The following TMCC1 variants were observed in gnomAD, a reference collection of about 807,000 sequenced individuals.
TMCC1 encodes the protein transmembrane and coiled-coil domain family 1, also known as transmembrane and coiled-coil domains protein 1.
Under a neutral mutation model 52.4 loss-of-function variants are expected in TMCC1, and 15 were observed. The observed-to-expected ratio is 0.29, with a 90% CI of 0.19 to 0.44. The LOEUF (loss-of-function observed/expected upper bound fraction) is 0.44. Among genes scored for constraint, TMCC1 ranks in the 20% least tolerant of loss-of-function variants. The pLI is 1.00. For missense variants in TMCC1, 503 were observed against 806.0 expected (o/e 0.62, Z 4.55); for synonymous variants, 279 against 301.9 (o/e 0.92, Z 0.79).
At chr3:129,870,166 T>G (rs1370850332) in intron 2 of TMCC1, among the ~76,000 whole-genome samples, 1 of 152,140 alleles carries the variant, frequency 6.6e-6, no homozygotes, top group Non-Finnish European at 1.5e-5. Flanking sequence ...TGTACCTATC[T>G]AGTATTCTAC....
At chr3:129,804,828 C>T (rs757070880) in intron 4 of TMCC1, among the ~76,000 whole-genome samples, 2 of 152,138 alleles carry the variant, frequency 1.3e-5, no homozygotes, top group Non-Finnish European at 2.9e-5. Context: ...TCAACTCTCC[C>T]CCTTACTTGA....
At chr3:129,793,582 C>T (rs137995779) in intron 4 of TMCC1, among the ~76,000 whole-genome samples, 2 of 152,188 alleles carry the variant, frequency 1.3e-5, no homozygotes, top group African/African-American at 4.8e-5. Context: ...TCTTACCACA[C>T]CTCTTTCCAT....
At chr3:129,811,100 A>G (rs1390416662) in intron 4 of TMCC1, among the ~76,000 whole-genome samples, 2 of 152,190 alleles carry the variant, frequency 1.3e-5, no homozygotes, top group East Asian at 1.9e-4. Flanking sequence ...ATAAGCTTCT[A>G]TATCACTAAA....
Position 129,893,640 on chromosome 3 carries a change from G to GCCGCCGCCTCAGTCACCGCCA in TMCC1, c.-602_-582dup, listed in dbSNP as rs1457732857. On this transcript the variant is annotated 5_prime_UTR_variant, in exon 1 of 7. Coordinates refer to ENST00000393238, the MANE Select transcript of TMCC1 (RefSeq NM_001017395.5). ...ACCCTCCCCCCGCGCCGCCTCAGCC[G>GCCGCCGCCTCAGTCACCGCCA]CCGCCGCCTCAGTCACCGCCACCGC... The GCCGCCGCCTCAGTCACCGCCA allele has an allele frequency of 2.2e-5, 3 of 138,588 alleles. No individual in the cohort carries two copies. The highest frequency in any genetic ancestry group is 2.1e-4 in the Admixed American group (3 of 14,074). The allele number at this position is 138,588 out of a possible 1,614,324, so 8.6% of individuals were successfully genotyped here. A position where few individuals can be genotyped will look rare whatever the true frequency, so the allele number is the denominator to read the frequency against.
Position 129,768,993 on chromosome 3 carries a change from C to T in TMCC1, c.576+58810G>A, listed in dbSNP as rs1471704127. ...CCTGACCTCACAGAGTTCACAATAT[C>T]GTAAGGGAAGAAAGTGAGGGGTAAA... On this transcript the variant is annotated intron_variant, in intron 4 of 6. Transcript: ENST00000393238. 2.0e-5 allele frequency among the ~76,000 whole-genome samples: 3 copies of T among 152,236 alleles called. No individual in the cohort carries two copies. The South Asian group carries it at 6.2e-4, about 32-fold the overall frequency.
chr3:129,668,487 G>A (rs905256775), intron 5 of TMCC1, among the ~76,000 whole-genome samples: 1 of 152,180 alleles, frequency 6.6e-6, no homozygotes, highest in African/African-American at 2.4e-5. Context: ...GGTTAGTAAG[G>A]GGAAGAACTG....
chr3:129,657,739 A>T (rs139458589), intron 5 of TMCC1, among the ~76,000 whole-genome samples: 353 of 152,262 alleles, frequency 2.3e-3, no homozygotes, highest in African/African-American at 8.1e-3. Context: ...AAAATTATGA[A>T]CCTACAATTA....
intron 1 of TMCC1, among the ~76,000 whole-genome samples, chr3:129,887,308 C>T (rs1192274964): frequency 6.6e-6 from 1 of 151,742 alleles, no homozygotes; most frequent in Non-Finnish European, 1.5e-5. Flanking sequence ...CTTTGGGAGG[C>T]CAAGGAGGGC....
intron 4 of TMCC1, among the ~76,000 whole-genome samples, chr3:129,781,000 T>C (rs1276898545): frequency 6.6e-6 from 1 of 152,178 alleles, no homozygotes; most frequent in Non-Finnish European, 1.5e-5. Flanking sequence ...CTAGTGACTA[T>C]AACACTGGCC....
intron 4 of TMCC1, among the ~76,000 whole-genome samples, chr3:129,785,478 G>C (rs1386954840): frequency 6.6e-6 from 1 of 151,988 alleles, no homozygotes; most frequent in East Asian, 1.9e-4. Context: ...TGAATAGACT[G>C]GGTCAGATTC....
intron 4 of TMCC1, among the ~76,000 whole-genome samples, chr3:129,729,799 C>T (rs951832317): frequency 1.6e-4 from 24 of 152,178 alleles, no homozygotes; most frequent in South Asian, 2.1e-4. Flanking sequence ...AATCACCTAA[C>T]GCAAAGCCTA....
chr3:129,881,103 C>A (rs193021961), intron 1 of TMCC1, among the ~76,000 whole-genome samples: 44 of 152,088 alleles, frequency 2.9e-4, no homozygotes, highest in Non-Finnish European at 5.1e-4. Flanking sequence ...ACCTCATGAT[C>A]CCCCTGCCTC....
At chr3:129,805,001 A>C (rs983758250) in intron 4 of TMCC1, among the ~76,000 whole-genome samples, 11 of 152,172 alleles carry the variant, frequency 7.2e-5, no homozygotes, top group African/African-American at 2.7e-4. Flanking sequence ...TGAGCCAAAA[A>C]CTGCTCCAGT....
intron 4 of TMCC1, among the ~76,000 whole-genome samples, chr3:129,684,027 T>C (rs959627338): frequency 2.6e-5 from 4 of 152,222 alleles, no homozygotes; most frequent in South Asian, 4.1e-4. Context: ...CTGCTGTATA[T>C]ACTGTCTCTA....
chr3:129,728,906 C>T (rs554296169), intron 4 of TMCC1, among the ~76,000 whole-genome samples: 2 of 152,264 alleles, frequency 1.3e-5, no homozygotes, highest in South Asian at 4.1e-4. Context: ...ATAGTTCATT[C>T]CTTTTCATTG....
chr3:129,754,986 G>A (rs961523049), intron 4 of TMCC1, among the ~76,000 whole-genome samples: 4 of 152,094 alleles, frequency 2.6e-5, no homozygotes, highest in Non-Finnish European at 4.4e-5. Flanking sequence ...GCTGAGGCAG[G>A]AGAATCACTT....
intron 4 of TMCC1, among the ~76,000 whole-genome samples, chr3:129,768,636 T>C (rs1338880066): frequency 5.3e-5 from 8 of 152,236 alleles, no homozygotes; most frequent in Non-Finnish European, 7.4e-5. Context: ...ACTGTGCACA[T>C]AGTCCCGAAT....
At chr3:129,726,000 T>C (rs919223264) in intron 4 of TMCC1, among the ~76,000 whole-genome samples, 1 of 152,168 alleles carries the variant, frequency 6.6e-6, no homozygotes, top group Non-Finnish European at 1.5e-5. Flanking sequence ...AGGATAGGAA[T>C]AGAAGGGAAC....
intron 2 of TMCC1, among the ~76,000 whole-genome samples, chr3:129,853,448 C>A (rs940440068): frequency 6.6e-6 from 1 of 151,790 alleles, no homozygotes; most frequent in Non-Finnish European, 1.5e-5. Context: ...AACAGTGAGG[C>A]CCTGCCTCCA....
Sources: allele counts gnomAD v4.1 joint callset (sites outside exome capture counted in the v4.1 genomes callset), GRCh38; gene constraint gnomAD v4.1.1; transcripts MANE v1.5; gene names NCBI Gene and HGNC (gene_info 2026-07-23, HGNC 2026-07-21).